The following ABCC6 variants were observed in gnomAD, a reference collection of about 807,000 sequenced individuals.
The protein encoded by ABCC6 is ATP binding cassette subfamily C member 6.
Under a neutral mutation model 169.5 loss-of-function variants are expected in ABCC6, and 126 were observed. The ratio of observed to expected loss-of-function variants is 0.74; its 90% CI spans 0.64 to 0.86. The LOEUF is 0.86. ABCC6 is among the 40% of genes least tolerant of loss of function. ABCC6 has a pLI of 0.00. For missense variants in ABCC6, 1,733 were observed against 1,927.2 expected, an observed-to-expected ratio of 0.90 and a Z score of 1.89; for synonymous variants, 752 against 814.7, an observed-to-expected ratio of 0.92 and a Z score of 1.31.
intron 18 of ABCC6, among the ~76,000 whole-genome samples, chr16:16,177,996 G>A (rs545711095): frequency 6.8e-6 from 1 of 147,898 alleles, no homozygotes; most frequent in East Asian, 2.0e-4. Flanking sequence ...AGAAACAAAG[G>A]AAGGAAGGAA....
intron 11 of ABCC6, 79 bp from the exon 12 acceptor site, chr16:16,190,446 G>T: frequency 6.6e-7 from 1 of 1,511,712 alleles, no homozygotes; most frequent in Non-Finnish European, 9.1e-7. Flanking sequence ...CCACCCTTCA[G>T]CAAATCCCAT....
chr16:16,156,980 T>G lies in ABCC6; in HGVS notation c.3882+683A>C, dbSNP rs74500022. The stretch of plus-strand genomic sequence containing the variant: ...AAAAAAAAATCACAGGAGAGCAGAT[T>G]GGAGCTGGTGAGACAGGATCCACTG... On this transcript the variant is annotated intron_variant, in intron 27 of 30. Transcript: ENST00000205557. Among the ~76,000 whole-genome samples, 1,319 of 148,450 alleles carry G rather than the reference T, an allele frequency of 8.9e-3. 10 individuals carry two copies. Among genetic ancestry groups the G allele is most frequent in the South Asian group, 0.035 (165 of 4,676 alleles).
chr16:16,178,983 A>G lies in ABCC6; in HGVS notation c.2248-18T>C. ...TTCATGCCCTGTGGCCACAAAAGGA[A>G]CAGTGGCCTGAGTCAGCATCTACAG... On this transcript the variant is annotated intron_variant, in intron 17 of 30. Coordinates refer to ENST00000205557, the MANE Select transcript of ABCC6 (RefSeq NM_001171.6). 1 of 1,611,106 alleles carries G rather than the reference A, an allele frequency of 6.2e-7. No homozygotes were observed. The highest frequency in any genetic ancestry group is 8.5e-7 in the Non-Finnish European group (1 of 1,179,652).
chr16:16,154,984 A>G lies in ABCC6; in HGVS notation c.3930T>C (p.Ser1310=), dbSNP rs1244952580. ...RTGAGKSSLA[S]GLLRLQEAAE... Reference sequence around the variant, plus strand: ...CTGCCTCCTGGAGCCGCAGCAGCCCACTGGCCAGGGAGGACTTCCCTGCCC... The same window carrying G: ...CTGCCTCCTGGAGCCGCAGCAGCCCGCTGGCCAGGGAGGACTTCCCTGCCC... The change falls in exon 28 of 31, where the codon AGT becomes AGC. Residue 1310 remains serine, a synonymous_variant. Transcript: ENST00000205557. The G allele has an allele frequency of 6.4e-7, 1 of 1,572,202 alleles. No individual in the cohort carries two copies.
rs1025831971 is a variant in ABCC6, at chr16:16,199,002, A to AG, written c.1177-821_1177-820insC. On this transcript the variant is annotated intron_variant, in intron 9 of 30. Transcript: ENST00000205557. The stretch of plus-strand genomic sequence containing the variant: ...AGAGCAAAATCCATTTCGGGGGGGA[A>AG]AAAAGAAAAAATTAGCCAGGCATGG... 5.5e-5 allele frequency among the ~76,000 whole-genome samples: 7 copies of AG among 127,906 alleles called. 1 individual carries two copies. The Admixed American group carries it at 5.8e-4, about 11-fold the overall frequency. The allele number at this position is 127,906 out of a possible 152,430, so 83.9% of individuals were successfully genotyped here.
At chr16:16,169,045 C>A (rs143256321) in intron 22 of ABCC6, among the ~76,000 whole-genome samples, 41 of 152,258 alleles carry the variant, frequency 2.7e-4, no homozygotes, top group Middle Eastern at 3.4e-3. Context: ...GGCAGCACTG[C>A]CCTCCAGCCC....
At chr16:16,171,341 C>T (rs1424908713) in intron 21 of ABCC6, among the ~76,000 whole-genome samples, 3 of 152,200 alleles carry the variant, frequency 2.0e-5, no homozygotes, top group Non-Finnish European at 4.4e-5. Flanking sequence ...GCCTCAGCCT[C>T]TGAAAGTGTT....
chr16:16,161,319 A>G (rs77898856), intron 25 of ABCC6, 119 bp downstream of exon 25: 19,377 of 1,469,148 alleles, frequency 0.013, 225 homozygotes, highest in South Asian at 0.036. Flanking sequence ...TCCTTGGTGG[A>G]GGGACTCCAC....
At chr16:16,155,186 A>G (rs1007085471) in intron 27 of ABCC6, 155 bp from the exon 28 acceptor site, 23 of 824,118 alleles carry the variant, frequency 2.8e-5, no homozygotes, top group Admixed American at 5.1e-5. Context: ...ACCTTTCTAT[A>G]TATCCACCCA....
chr16:16,160,842 T>A (rs1596603091), intron 25 of ABCC6, among the ~76,000 whole-genome samples: 3 of 152,006 alleles, frequency 2.0e-5, no homozygotes, highest in Non-Finnish European at 2.9e-5. Flanking sequence ...AACAAAAACA[T>A]ATAAAGCTCT....
intron 17 of ABCC6, among the ~76,000 whole-genome samples, 167 bp downstream of exon 17, chr16:16,182,245 G>A (rs1301862126): frequency 6.6e-6 from 1 of 152,066 alleles, no homozygotes; most frequent in Non-Finnish European, 1.5e-5. Context: ...TAGTGATTAC[G>A]TATTGAGCAC....
intron 5 of ABCC6, among the ~76,000 whole-genome samples, chr16:16,213,705 C>T (rs1477342352): frequency 6.7e-6 from 1 of 149,898 alleles, no homozygotes; most frequent in East Asian, 2.0e-4. Context: ...GGATTACAGG[C>T]GTGCACCACC....
At position 16,187,169 on chromosome 16, in the gene ABCC6, C is replaced by G; in HGVS notation, c.1822G>C (p.Glu608Gln). The G allele has an allele frequency of 6.2e-7, 1 of 1,613,364 alleles. No individual in the cohort carries two copies. Among genetic ancestry groups the G allele is most frequent in the Non-Finnish European group, 8.5e-7 (1 of 1,179,644 alleles). Residue 608 changes from glutamate (E) to glutamine (Q), a missense_variant, in exon 14 of 31, where the codon GAA (glutamate) becomes CAA (glutamine). Physicochemically the swap from Glu to Gln is conservative, Grantham distance 29 (BLOSUM62 2). This residue lies in a region of ABCC6 where 1,601 missense variants were observed against 1,635.5 expected (regional missense o/e 0.98). Transcript: ENST00000205557. Reference protein sequence around the residue: ...FDRLVTFLCLEEVDPGVVDSS... With the variant: ...FDRLVTFLCLQEVDPGVVDSS... Reference sequence around the variant, plus strand: ...TCTACGACACCAGGGTCAACTTCTTCCAGGCAGAGGAAGGTGACCAGACGG... The same window carrying G: ...TCTACGACACCAGGGTCAACTTCTTGCAGGCAGAGGAAGGTGACCAGACGG...
chr16:16,152,215 A>AAAAG (rs2046406534), intron 29 of ABCC6, among the ~76,000 whole-genome samples: 1 of 146,822 alleles, frequency 6.8e-6, no homozygotes, highest in Non-Finnish European at 1.5e-5. Flanking sequence ...AAAAAAAAAA[A>AAAAG]GTGTGTAGGC....
At chr16:16,180,127 G>C (rs2047420690) in intron 17 of ABCC6, among the ~76,000 whole-genome samples, 1 of 152,128 alleles carries the variant, frequency 6.6e-6, no homozygotes, top group Non-Finnish European at 1.5e-5. Flanking sequence ...TGGAGCTCAG[G>C]CGGTGATGGG....
chr16:16,215,429 T>C (rs2048826592), intron 4 of ABCC6, among the ~76,000 whole-genome samples: 1 of 150,648 alleles, frequency 6.6e-6, no homozygotes, highest in Admixed American at 6.7e-5. Flanking sequence ...TTTTTATTTT[T>C]TAATTTTAGG....
chr16:16,197,968 G>C, intron 10 of ABCC6, 53 bp downstream of exon 10: 1 of 1,494,982 alleles, frequency 6.7e-7, no homozygotes, highest in Non-Finnish European at 9.0e-7. Context: ...AGGAGGGGGA[G>C]AAGGAGGGGG....
intron 6 of ABCC6, among the ~76,000 whole-genome samples, chr16:16,210,736 C>T (rs376988895): frequency 2.6e-5 from 4 of 152,162 alleles, no homozygotes; most frequent in East Asian, 3.8e-4. Context: ...AGAGCTGTTT[C>T]GAAAACCTCT....
chr16:16,164,603 A>T (rs1353823618), intron 23 of ABCC6, among the ~76,000 whole-genome samples: 1 of 152,168 alleles, frequency 6.6e-6, no homozygotes, highest in Non-Finnish European at 1.5e-5. Context: ...TGCTAAGGTG[A>T]GATGATATGA....
Sources: allele counts gnomAD v4.1 joint callset (sites outside exome capture counted in the v4.1 genomes callset), GRCh38; gene constraint gnomAD v4.1.1; regional missense constraint gnomAD v4.1.1; transcripts MANE v1.5; gene names NCBI Gene and HGNC (gene_info 2026-07-23, HGNC 2026-07-21).